Variants in CNTNAP2 observed in about 807,000 individuals in gnomAD.
CNTNAP2 encodes the protein contactin-associated protein-like 2.
In CNTNAP2, 98 loss-of-function variants were observed where a neutral mutation model predicts 155.2. That is an observed-to-expected ratio of 0.63 (90% CI 0.54 to 0.75). The LOEUF (loss-of-function observed/expected upper bound fraction) is 0.75. Ranked by LOEUF, CNTNAP2 falls within the 30% of genes least tolerant of loss-of-function variation. CNTNAP2 has a pLI of 0.00. For synonymous variants in CNTNAP2, 651 were observed against 631.2 expected, an observed-to-expected ratio of 1.03 and a Z score of -0.47; for missense variants, 1,727 against 1,688.1, an observed-to-expected ratio of 1.02 and a Z score of -0.40.
At chr7:148,193,158 G>A (rs1441959278) in intron 18 of CNTNAP2, among the ~76,000 whole-genome samples, 1 of 151,968 alleles carries the variant, frequency 6.6e-6, no homozygotes, top group East Asian at 1.9e-4. Context: ...GTTATTTTCA[G>A]ATCAAATAAT....
At chr7:146,575,278 G>A (rs536909206) in intron 1 of CNTNAP2, among the ~76,000 whole-genome samples, 298 of 152,072 alleles carry the variant, frequency 2.0e-3, no homozygotes, top group African/African-American at 3.8e-3. Flanking sequence ...CACCACGCCC[G>A]GCTAATTTTT....
chr7:146,803,630 C>G (rs1057115085), intron 2 of CNTNAP2, among the ~76,000 whole-genome samples: 1 of 152,100 alleles, frequency 6.6e-6, no homozygotes, highest in African/African-American at 2.4e-5. Flanking sequence ...ATTAGTCTAG[C>G]AGGAGCTTGG....
chr7:146,680,491 TGA>T (rs1322420628), intron 1 of CNTNAP2, among the ~76,000 whole-genome samples: 1 of 152,160 alleles, frequency 6.6e-6, no homozygotes, highest in Non-Finnish European at 1.5e-5. Flanking sequence ...GAAGAACTCT[TGA>T]GAGAGAAAAA....
intron 10 of CNTNAP2, among the ~76,000 whole-genome samples, chr7:147,447,724 T>C (rs1797763668): frequency 6.6e-6 from 1 of 152,094 alleles, no homozygotes; most frequent in Non-Finnish European, 1.5e-5. Context: ...CCAGCCTATT[T>C]GGGGTAATTT....
intron 3 of CNTNAP2, among the ~76,000 whole-genome samples, chr7:146,871,048 T>A (rs1795295457): frequency 3.3e-5 from 5 of 152,210 alleles, no homozygotes; most frequent in Admixed American, 3.3e-4. Flanking sequence ...ATTTTAGAGA[T>A]CTGTGTGTGA....
chr7:146,458,969 C>A (rs1167732670), intron 1 of CNTNAP2, among the ~76,000 whole-genome samples: 1 of 152,150 alleles, frequency 6.6e-6, no homozygotes, highest in Non-Finnish European at 1.5e-5. Context: ...AACTCTAATA[C>A]AATACCCACA....
chr7:147,838,227 C>A (rs1431329193), intron 13 of CNTNAP2, among the ~76,000 whole-genome samples: 2 of 152,122 alleles, frequency 1.3e-5, no homozygotes, highest in Non-Finnish European at 2.9e-5. Flanking sequence ...CTGGGGCCAC[C>A]CCACGAAACC....
In CNTNAP2 at chr7:148,247,635, A is replaced by G. The variant is rs981783538; in HGVS notation, c.3381+17856A>G. ...TCTCTCTCTCTCTCTCTATTTATTTATTTATTTATTTATTTATTTATTTAT... is the reference window on the plus strand; with the variant it reads ...TCTCTCTCTCTCTCTCTATTTATTTGTTTATTTATTTATTTATTTATTTAT... On this transcript the variant is annotated intron_variant, in intron 20 of 23. Transcript: ENST00000361727. 1.3e-4 allele frequency among the ~76,000 whole-genome samples: 17 copies of G among 129,148 alleles called. No homozygotes were observed. In the South Asian group the frequency reaches 3.8e-3, roughly 29 times the overall value. The allele number at this position is 129,148 out of a possible 152,430, so 84.7% of individuals were successfully genotyped here.
intron 1 of CNTNAP2, among the ~76,000 whole-genome samples, chr7:146,671,442 C>CACACACACACGG (rs1800303570): frequency 6.6e-6 from 1 of 151,866 alleles, no homozygotes; most frequent in South Asian, 2.1e-4. Flanking sequence ...CACACACACA[C>CACACACACACGG]ACACACACAC....
chr7:146,977,551 AACAG>A (rs1276088938), intron 3 of CNTNAP2, among the ~76,000 whole-genome samples: 2 of 152,194 alleles, frequency 1.3e-5, no homozygotes, highest in East Asian at 1.9e-4. Flanking sequence ...GAAAGATAAT[AACAG>A]ACAGTGTTGA....
chr7:148,409,048 G>T (rs2116713856), intron 22 of CNTNAP2, among the ~76,000 whole-genome samples: 1 of 152,312 alleles, frequency 6.6e-6, no homozygotes, highest in Non-Finnish European at 1.5e-5. Flanking sequence ...AAAAGTGGAT[G>T]GGAAGCAGAT....
intron 20 of CNTNAP2, among the ~76,000 whole-genome samples, chr7:148,245,899 T>A (rs1272583150): frequency 1.3e-5 from 2 of 152,172 alleles, no homozygotes; most frequent in Non-Finnish European, 2.9e-5. Flanking sequence ...CTAGTCTCCA[T>A]TCCTCACCAT....
chr7:146,946,982 A>G (rs1389962518), intron 3 of CNTNAP2, among the ~76,000 whole-genome samples: 1 of 152,142 alleles, frequency 6.6e-6, no homozygotes, highest in Non-Finnish European at 1.5e-5. Flanking sequence ...ATCTTCTTTC[A>G]TTGTCATTTC....
rs61026315 is a variant in CNTNAP2, at chr7:146,228,633, T to C, written c.97+111660T>C. Reference sequence around the variant, plus strand: ...AATGAGTACTACAGAATTTTTCTTATAGAAATATTACCAACATTAACTCCT... The same window carrying C: ...AATGAGTACTACAGAATTTTTCTTACAGAAATATTACCAACATTAACTCCT... On this transcript the variant is annotated intron_variant, in intron 1 of 23. Transcript: ENST00000361727. 5.7e-3 allele frequency among the ~76,000 whole-genome samples: 870 copies of C among 152,326 alleles called. 6 individuals are homozygous for C. Among genetic ancestry groups the C allele is most frequent in the African/African-American group, 0.02 (833 of 41,580 alleles).
At chr7:146,447,944 A>G (rs1471115269) in intron 1 of CNTNAP2, among the ~76,000 whole-genome samples, 2 of 151,964 alleles carry the variant, frequency 1.3e-5, no homozygotes, top group Non-Finnish European at 2.9e-5. Flanking sequence ...GGGGATAACA[A>G]TTTGTGACCT....
intron 1 of CNTNAP2, among the ~76,000 whole-genome samples, chr7:146,341,312 T>G (rs996723272): frequency 2.0e-5 from 3 of 152,098 alleles, no homozygotes; most frequent in Admixed American, 2.0e-4. Context: ...CATGCAAAAA[T>G]TATAGGTCTT....
At chr7:146,569,792 T>G (rs1798413907) in intron 1 of CNTNAP2, among the ~76,000 whole-genome samples, 2 of 152,176 alleles carry the variant, frequency 1.3e-5, no homozygotes, top group African/African-American at 4.8e-5. Flanking sequence ...AAGAGTTTCC[T>G]ACAAGACAGT....
chr7:147,313,960 C>T (rs920332111), intron 9 of CNTNAP2, among the ~76,000 whole-genome samples: 4 of 151,528 alleles, frequency 2.6e-5, no homozygotes, highest in Non-Finnish European at 4.4e-5. Flanking sequence ...TTGTAGTTCT[C>T]CTTGAAGAGG....
intron 1 of CNTNAP2, among the ~76,000 whole-genome samples, chr7:146,332,128 C>A (rs6972724): frequency 0.12 from 18,870 of 151,586 alleles, 3,550 homozygotes; most frequent in African/African-American, 0.41. Flanking sequence ...CTGATAAATA[C>A]ATGTATCTAT....
Sources: allele counts gnomAD v4.1 joint callset (sites outside exome capture counted in the v4.1 genomes callset), GRCh38; gene constraint gnomAD v4.1.1; transcripts MANE v1.5; gene names NCBI Gene and HGNC (gene_info 2026-07-23, HGNC 2026-07-21).